The following BMERB1 variants were observed in gnomAD, a reference collection of about 807,000 sequenced individuals.
The protein encoded by BMERB1 is bMERB domain containing 1, also known as bMERB domain-containing protein 1.
A neutral mutation model predicts 23.6 loss-of-function variants in BMERB1; 12 were observed. The observed-to-expected ratio is 0.51, with a 90% CI of 0.33 to 0.82. The LOEUF is 0.82. Ranked by LOEUF, BMERB1 falls within the 40% of genes least tolerant of loss-of-function variation. The pLI is 0.03. For missense variants in BMERB1, 247 were observed against 255.4 expected (o/e 0.97, Z 0.22); for synonymous variants, 122 against 96.6 (o/e 1.26, Z -1.54).
At chr16:15,562,820 C>T (rs529863550) in intron 2 of BMERB1, among the ~76,000 whole-genome samples, 3 of 152,178 alleles carry the variant, frequency 2.0e-5, no homozygotes, top group African/African-American at 7.2e-5. Flanking sequence ...TGTGCCCTCC[C>T]GGCAAGTCCA....
At chr16:15,575,733 G>C (rs2030841378) in intron 3 of BMERB1, among the ~76,000 whole-genome samples, 1 of 152,172 alleles carries the variant, frequency 6.6e-6, no homozygotes, top group Non-Finnish European at 1.5e-5. Context: ...ATACCCTCTA[G>C]AGGTTTCCCG....
chr16:15,579,322 A>C (rs1308042226), intron 3 of BMERB1, among the ~76,000 whole-genome samples: 2 of 152,092 alleles, frequency 1.3e-5, no homozygotes, highest in Non-Finnish European at 2.9e-5. Flanking sequence ...GGGGAATCAG[A>C]CCCAACCCAC....
intron 2 of BMERB1, among the ~76,000 whole-genome samples, chr16:15,560,050 TG>T (rs1231517695): frequency 6.6e-6 from 1 of 152,176 alleles, no homozygotes; most frequent in Non-Finnish European, 1.5e-5. Context: ...TAGGACCTGA[TG>T]GTCCTCCTTT....
At chr16:15,583,886 TG>T in intron 5 of BMERB1, 1 of 633,012 alleles carries the variant, frequency 1.6e-6, no homozygotes, top group South Asian at 1.8e-5. Flanking sequence ...CATATTGGAT[TG>T]AACTCTGCAA....
chr16:15,534,219 T>C (rs1420042282), intron 2 of BMERB1, among the ~76,000 whole-genome samples: 3 of 126,884 alleles, frequency 2.4e-5, no homozygotes, highest in Admixed American at 9.9e-5. Flanking sequence ...CATGTAACTG[T>C]CCCTCCAGCC....
chr16:15,561,266 T>A (rs1301516254), intron 2 of BMERB1, among the ~76,000 whole-genome samples: 2 of 125,878 alleles, frequency 1.6e-5, no homozygotes, highest in Non-Finnish European at 3.4e-5. Flanking sequence ...ATTTTTTTTT[T>A]TTTTTTTTTT....
At chr16:15,518,512 C>T (rs534339054) in intron 2 of BMERB1, among the ~76,000 whole-genome samples, 1 of 152,276 alleles carries the variant, frequency 6.6e-6, no homozygotes, top group South Asian at 2.1e-4. Context: ...ACAGTATGCT[C>T]AGATCTGCAC....
chr16:15,502,464 C>T, intron 1 of BMERB1: 4 of 1,083,112 alleles, frequency 3.7e-6, no homozygotes, highest in Non-Finnish European at 5.5e-6. Flanking sequence ...GGGTTAAAAG[C>T]AGTGACTTCA....
At chr16:15,563,334 C>T (rs183107226) in intron 2 of BMERB1, among the ~76,000 whole-genome samples, 121 of 152,230 alleles carry the variant, frequency 7.9e-4, no homozygotes, top group Non-Finnish European at 1.5e-3. Flanking sequence ...ATTCTCCTGC[C>T]TCAGCCTCCC....
chr16:15,562,330 A>G (rs2030446721), intron 2 of BMERB1, among the ~76,000 whole-genome samples: 1 of 151,724 alleles, frequency 6.6e-6, no homozygotes, highest in Non-Finnish European at 1.5e-5. Flanking sequence ...ACATAAATAA[A>G]TAATTAAAAA....
Position 15,468,162 on chromosome 16 carries a change from T to TTTTTTC in BMERB1, c.106+33404_106+33405insTTTTCT, listed in dbSNP as rs57267276. ...TTTTTTTTTTTTTTTTTTTTTTTTT[T>TTTTTTC]TGAGGCAGGGTCTCAGTCTGTCACC... On this transcript the variant is annotated intron_variant, in intron 1 of 5. Coordinates refer to ENST00000300006, the MANE Select transcript of BMERB1 (RefSeq NM_033201.3). Among the ~76,000 whole-genome samples, 43 of 64,556 alleles carry TTTTTTC rather than the reference T, an allele frequency of 6.7e-4. 3 individuals carry two copies. Among genetic ancestry groups the TTTTTTC allele is most frequent in the South Asian group, 1.8e-3 (3 of 1,676 alleles). The allele number at this position is 64,556 out of a possible 152,430, so 42.4% of individuals were successfully genotyped here.
At chr16:15,479,784 AAAAT>A (rs1213379215) in intron 1 of BMERB1, among the ~76,000 whole-genome samples, 1 of 151,918 alleles carries the variant, frequency 6.6e-6, no homozygotes, top group South Asian at 2.1e-4. Flanking sequence ...GTGAATTTAA[AAAAT>A]AAATTATTAA....
chr16:15,530,960 C>T (rs1300599229), intron 2 of BMERB1, among the ~76,000 whole-genome samples: 1 of 137,206 alleles, frequency 7.3e-6, no homozygotes, highest in Non-Finnish European at 1.5e-5. Flanking sequence ...GGCTGGATTG[C>T]AGTGGCTCAA....
intron 1 of BMERB1, among the ~76,000 whole-genome samples, chr16:15,506,238 C>T (rs568529660): frequency 6.6e-6 from 1 of 151,848 alleles, no homozygotes; most frequent in Non-Finnish European, 1.5e-5. Flanking sequence ...TGCCGCGGTG[C>T]GATCTCTGCT....
chr16:15,546,699 G>A (rs911441081), intron 2 of BMERB1, among the ~76,000 whole-genome samples: 1 of 152,186 alleles, frequency 6.6e-6, no homozygotes, highest in African/African-American at 2.4e-5. Context: ...TCTGAGTCCT[G>A]AAGACCTTCC....
chr16:15,515,354 G>A lies in BMERB1; in HGVS notation c.156G>A (p.Glu52=), dbSNP rs1383577502. The change falls in exon 2 of 6, where the codon GAG becomes GAA. Residue 52 remains glutamate, a synonymous_variant. Coordinates refer to ENST00000300006, the MANE Select transcript of BMERB1 (RefSeq NM_033201.3). ...CGGAGACAACCATGATGCCAGAGGA[G>A]ATTGAGCTGGAGATGGCAAAAATTC... The part of the protein sequence containing the change: ...SMAETTMMPE[E]IELEMAKIQR... The A allele has an allele frequency of 5.0e-6, 8 of 1,613,872 alleles. No homozygotes were observed. Among genetic ancestry groups the A allele is most frequent in the African/African-American group, 1.3e-5 (1 of 74,916 alleles).
intron 1 of BMERB1, among the ~76,000 whole-genome samples, chr16:15,435,323 C>CT (rs1416271135): frequency 6.6e-6 from 1 of 152,216 alleles, no homozygotes; most frequent in Admixed American, 6.5e-5. Context: ...ACACCGTTCT[C>CT]TTTTCTCTCT....
chr16:15,558,392 C>T (rs2030326076), intron 2 of BMERB1, among the ~76,000 whole-genome samples: 2 of 151,992 alleles, frequency 1.3e-5, no homozygotes, highest in South Asian at 4.1e-4. Flanking sequence ...AAAGTGAGGT[C>T]ATTGGCAATC....
intron 1 of BMERB1, among the ~76,000 whole-genome samples, chr16:15,472,800 T>G (rs772355497): frequency 6.6e-6 from 1 of 152,118 alleles, no homozygotes; most frequent in Non-Finnish European, 1.5e-5. Context: ...CTGTTTTTCC[T>G]TCTCTGCTTC....
Sources: gnomAD v4.1 joint callset for allele counts (sites outside exome capture counted in the v4.1 genomes callset) on GRCh38, gnomAD v4.1.1 for gene constraint, MANE v1.5 for transcripts, NCBI Gene and HGNC (gene_info 2026-07-23, HGNC 2026-07-21) for gene names.